Variants in FHIT observed in about 807,000 individuals in gnomAD.
FHIT encodes the protein bis(5'-adenosyl)-triphosphatase.
A neutral mutation model predicts 17.9 loss-of-function variants in FHIT; 19 were observed. That is an observed-to-expected ratio of 1.06 (90% CI 0.74 to 1.56). The LOEUF is 1.56. FHIT is among the 40% of genes most tolerant of loss of function. The probability of loss-of-function intolerance (pLI) is 0.00; values close to 1 mark genes in which losing one functional copy is unlikely to be tolerated. For missense variants in FHIT, 248 were observed against 189.2 expected (o/e 1.31, Z -1.82); for synonymous variants, 81 against 69.7 (o/e 1.16, Z -0.81).
intron 4 of FHIT, among the ~76,000 whole-genome samples, chr3:60,664,102 C>A (rs1716704): frequency 2.6e-5 from 4 of 151,956 alleles, no homozygotes; most frequent in African/African-American, 9.7e-5. Context: ...TTTAGCAAGT[C>A]GAGATAATTC....
chr3:59,813,700 G>C (rs185897485), intron 8 of FHIT, among the ~76,000 whole-genome samples: 143 of 152,224 alleles, frequency 9.4e-4, no homozygotes, highest in Non-Finnish European at 1.7e-3. Flanking sequence ...GTTTTTTAGG[G>C]GTGAGGGGAA....
intron 2 of FHIT, among the ~76,000 whole-genome samples, chr3:61,080,415 A>G (rs1216943771): frequency 6.6e-6 from 1 of 152,190 alleles, no homozygotes; most frequent in Non-Finnish European, 1.5e-5. Context: ...AGCCTTAGGA[A>G]AACACTATTG....
chr3:60,681,122 T>C (rs1553696766), intron 4 of FHIT, among the ~76,000 whole-genome samples: 1 of 152,242 alleles, frequency 6.6e-6, no homozygotes, highest in Non-Finnish European at 1.5e-5. Flanking sequence ...TTGTGGCAAC[T>C]TTGCATCTAG....
chr3:60,596,297 T>C (rs1349598415), intron 4 of FHIT, among the ~76,000 whole-genome samples: 1 of 152,114 alleles, frequency 6.6e-6, no homozygotes, highest in Admixed American at 6.5e-5. Flanking sequence ...CCAAACCTCA[T>C]GCCCTTCTTC....
At chr3:59,780,075 A>G (rs1702507062) in intron 8 of FHIT, among the ~76,000 whole-genome samples, 1 of 152,156 alleles carries the variant, frequency 6.6e-6, no homozygotes, top group Non-Finnish European at 1.5e-5. Flanking sequence ...GACACTATCT[A>G]TGGGTCCCTG....
chr3:59,788,810 T>C (rs1251179047), intron 8 of FHIT, among the ~76,000 whole-genome samples: 4 of 149,674 alleles, frequency 2.7e-5, no homozygotes. Context: ...CAATTTACAG[T>C]GGGGTTATGA....
intron 3 of FHIT, among the ~76,000 whole-genome samples, chr3:60,951,361 T>C (rs892128501): frequency 2.6e-5 from 4 of 152,206 alleles, no homozygotes; most frequent in Admixed American, 1.3e-4. Context: ...TTACAGCTAT[T>C]AGTATTACTG....
At position 60,574,740 on chromosome 3, in the gene FHIT, C is replaced by G. The variant is rs549109997; in HGVS notation, c.-17-37761G>C. Among the ~76,000 whole-genome samples the G allele has an allele frequency of 5.3e-5, 8 of 152,150 alleles. 2 individuals are homozygous for G. The South Asian group carries it at 1.7e-3, about 32-fold the overall frequency. ...GAGTTAAAAACAAAGCTCCATCAGT[C>G]GACTCATATTTATAGAGTGCTCCCT... On this transcript the variant is annotated intron_variant, in intron 4 of 9. Coordinates refer to ENST00000492590, the MANE Select transcript of FHIT (RefSeq NM_002012.4).
intron 5 of FHIT, among the ~76,000 whole-genome samples, chr3:60,351,726 G>C (rs1205898830): frequency 6.6e-6 from 1 of 152,166 alleles, no homozygotes. Context: ...TGAAAATCTA[G>C]AGAATCTAAT....
chr3:60,424,804 A>C (rs1240046701), intron 5 of FHIT, among the ~76,000 whole-genome samples: 2 of 152,240 alleles, frequency 1.3e-5, no homozygotes, highest in Non-Finnish European at 2.9e-5. Context: ...TATAAAATCC[A>C]ACCCCCATTG....
At chr3:61,194,456 G>T (rs778024715) in intron 2 of FHIT, among the ~76,000 whole-genome samples, 42 of 151,800 alleles carry the variant, frequency 2.8e-4, no homozygotes, top group Non-Finnish European at 4.1e-4. Flanking sequence ...TTTCCTTCCT[G>T]CAAATCCTGC....
chr3:60,696,556 A>G (rs190793235), intron 4 of FHIT, among the ~76,000 whole-genome samples: 7 of 152,264 alleles, frequency 4.6e-5, no homozygotes, highest in Non-Finnish European at 7.4e-5. Flanking sequence ...AGCAACTTGG[A>G]AAAATGTGCC....
chr3:60,928,647 C>T (rs1397455945), intron 3 of FHIT, among the ~76,000 whole-genome samples: 1 of 151,236 alleles, frequency 6.6e-6, no homozygotes, highest in Non-Finnish European at 1.5e-5. Flanking sequence ...ACACATACAC[C>T]CTCCCAAGAC....
chr3:60,648,096 G>T (rs781819631), intron 4 of FHIT, among the ~76,000 whole-genome samples: 1 of 152,116 alleles, frequency 6.6e-6, no homozygotes, highest in East Asian at 1.9e-4. Flanking sequence ...AAAATGAGAG[G>T]ACAGAGGATA....
At chr3:61,154,032 A>G (rs1342583201) in intron 2 of FHIT, among the ~76,000 whole-genome samples, 2 of 152,210 alleles carry the variant, frequency 1.3e-5, no homozygotes, top group Non-Finnish European at 2.9e-5. Flanking sequence ...TCTGCTCCCA[A>G]CTTGAAGAAA....
At chr3:60,420,241 T>C (rs1702418960) in intron 5 of FHIT, among the ~76,000 whole-genome samples, 1 of 152,208 alleles carries the variant, frequency 6.6e-6, no homozygotes, top group African/African-American at 2.4e-5. Context: ...CTTTACAATA[T>C]ATCATGTGCA....
intron 4 of FHIT, among the ~76,000 whole-genome samples, chr3:60,580,919 A>G (rs1248996210): frequency 6.6e-6 from 1 of 152,044 alleles, no homozygotes; most frequent in Non-Finnish European, 1.5e-5. Flanking sequence ...GTAGATTAGA[A>G]CAGGGCTGCT....
chr3:59,857,711 T>TTTTTTTTG (rs969083165), intron 8 of FHIT, among the ~76,000 whole-genome samples: 31 of 149,194 alleles, frequency 2.1e-4, no homozygotes, highest in Admixed American at 5.3e-4. Flanking sequence ...CTGGGTTTTT[T>TTTTTTTTG]TTTTTTTTTT....
At chr3:60,001,894 G>T (rs1699743004) in intron 7 of FHIT, among the ~76,000 whole-genome samples, 1 of 152,050 alleles carries the variant, frequency 6.6e-6, no homozygotes, top group East Asian at 1.9e-4. Context: ...GAATTTAAAC[G>T]CAAATAAAAG....
Sources: gnomAD v4.1 joint callset for allele counts (sites outside exome capture counted in the v4.1 genomes callset) on GRCh38, gnomAD v4.1.1 for gene constraint, MANE v1.5 for transcripts, NCBI Gene and HGNC (gene_info 2026-07-23, HGNC 2026-07-21) for gene names.